ARPP21: variants seen among roughly 807,000 people sequenced by gnomAD.
The protein encoded by ARPP21 is cAMP-regulated phosphoprotein 21.
ARPP21 carries 69 observed loss-of-function variants against 113.2 expected under a neutral mutation model. That is an observed-to-expected ratio of 0.61 (90% CI 0.50 to 0.74). The LOEUF is 0.74. Ranked by LOEUF, ARPP21 falls within the 30% of genes least tolerant of loss-of-function variation. The pLI is 0.00. For missense variants in ARPP21, 1,070 were observed against 1,037.4 expected, an observed-to-expected ratio of 1.03 and a Z score of -0.43; for synonymous variants, 368 against 375.5, an observed-to-expected ratio of 0.98 and a Z score of 0.23.
chr3:35,685,463 C>G (rs1167087299), intron 5 of ARPP21: 1 of 985,092 alleles, frequency 1.0e-6, no homozygotes, highest in Admixed American at 6.2e-5. Flanking sequence ...AATAAAGAAA[C>G]AGACTTTTGA....
chr3:35,648,409 G>A (rs1253681543), intron 1 of ARPP21, among the ~76,000 whole-genome samples: 2 of 152,168 alleles, frequency 1.3e-5, no homozygotes, highest in African/African-American at 4.8e-5. Flanking sequence ...CTAGTGGATG[G>A]GAGCTGGGAC....
chr3:35,709,321 T>C lies in ARPP21; in HGVS notation c.897+251T>C, dbSNP rs544664696. On this transcript the variant is annotated intron_variant, in intron 11 of 20. Transcript: ENST00000684406. ...TGTAGAGAGGTATGATTTTGGTCAG[T>C]GATACAGACCTTAAATACAGAAAGT... Among the ~76,000 whole-genome samples the C allele has an allele frequency of 3.9e-5, 6 of 152,308 alleles. No individual in the cohort carries two copies. In the East Asian group the frequency reaches 9.7e-4, roughly 25 times the overall value.
intron 15 of ARPP21, 40 bp from the exon 16 acceptor site, chr3:35,737,138 T>C (rs760231415): frequency 8.0e-7 from 1 of 1,257,094 alleles, no homozygotes; most frequent in Non-Finnish European, 1.2e-6. Flanking sequence ...AAAGGAGAGA[T>C]TGAGAAGCTT....
intron 1 of ARPP21, among the ~76,000 whole-genome samples, chr3:35,662,811 TA>T (rs1424142604): frequency 4.0e-5 from 6 of 151,462 alleles, no homozygotes; most frequent in African/African-American, 1.5e-4. Flanking sequence ...ACCAGAAGGG[TA>T]AAAAAAATTA....
intron 19 of ARPP21, among the ~76,000 whole-genome samples, chr3:35,782,195 T>A (rs1200191334): frequency 6.6e-6 from 1 of 152,186 alleles, no homozygotes; most frequent in Admixed American, 6.5e-5. Context: ...TTCATGGAAA[T>A]TTCAGTTGAT....
intron 14 of ARPP21, among the ~76,000 whole-genome samples, chr3:35,723,427 G>C (rs986114403): frequency 2.0e-5 from 3 of 152,100 alleles, no homozygotes; most frequent in Non-Finnish European, 2.9e-5. Flanking sequence ...GGTTCACACT[G>C]CCTTTCTGCA....
At chr3:35,650,664 T>C (rs1424503023) in intron 1 of ARPP21, among the ~76,000 whole-genome samples, 1 of 151,960 alleles carries the variant, frequency 6.6e-6, no homozygotes, top group Non-Finnish European at 1.5e-5. Context: ...GAAAGTTCTG[T>C]TGGTGGGAAT....
intron 19 of ARPP21, among the ~76,000 whole-genome samples, chr3:35,752,255 G>A (rs554041253): frequency 2.0e-5 from 3 of 151,872 alleles, no homozygotes; most frequent in African/African-American, 7.2e-5. Context: ...TATCAATCAG[G>A]AATCTGCAGA....
In ARPP21 at chr3:35,794,104, C is replaced by T. The variant is rs1164457056; in HGVS notation, c.*146C>T. 2.7e-6 allele frequency: 2 copies of T among 727,754 alleles called. No individual in the cohort carries two copies. Among genetic ancestry groups the T allele is most frequent in the Non-Finnish European group, 4.5e-6 (2 of 443,044 alleles). 45.1% of individuals were successfully genotyped at this position (727,754 alleles called of 1,614,324 possible). Reference sequence around the variant, plus strand: ...GTATTCTGTAAAAAATAAACAAAGACTAATATACACGTTAGCTGGTTAATG... The same window carrying T: ...GTATTCTGTAAAAAATAAACAAAGATTAATATACACGTTAGCTGGTTAATG... On this transcript the variant is annotated 3_prime_UTR_variant, in exon 21 of 21. Coordinates refer to ENST00000684406, the MANE Select transcript of ARPP21 (RefSeq NM_001385562.1).
In ARPP21 at chr3:35,773,132, A is replaced by G. The variant is rs542396285; in HGVS notation, c.2138-19250A>G. Among the ~76,000 whole-genome samples the G allele has an allele frequency of 9.2e-5, 14 of 152,304 alleles. No homozygotes were observed. In the South Asian group the frequency reaches 2.9e-3, roughly 32 times the overall value. ...CATCTTAAGGATAAAACATATTGTTACAATATAATGCATTTTTGGTGAACC... is the reference window on the plus strand; with the variant it reads ...CATCTTAAGGATAAAACATATTGTTGCAATATAATGCATTTTTGGTGAACC... On this transcript the variant is annotated intron_variant, in intron 19 of 20. Transcript: ENST00000684406.
At chr3:35,669,440 A>T (rs2075767986) in intron 1 of ARPP21, among the ~76,000 whole-genome samples, 1 of 152,186 alleles carries the variant, frequency 6.6e-6, no homozygotes, top group Non-Finnish European at 1.5e-5. Context: ...GATATATCAA[A>T]TTGTAAATTT....
At chr3:35,706,042 A>G (rs2088863044) in intron 9 of ARPP21, among the ~76,000 whole-genome samples, 2 of 152,180 alleles carry the variant, frequency 1.3e-5, no homozygotes, top group Non-Finnish European at 2.9e-5. Flanking sequence ...TAATGACTCA[A>G]AGCATAATGA....
chr3:35,709,574 A>G (rs913435935), intron 11 of ARPP21, among the ~76,000 whole-genome samples: 5 of 152,198 alleles, frequency 3.3e-5, no homozygotes, highest in Non-Finnish European at 4.4e-5. Context: ...CTCAATTTCA[A>G]ATCAAATCTG....
At chr3:35,785,620 T>G (rs995732891) in intron 19 of ARPP21, among the ~76,000 whole-genome samples, 1 of 152,184 alleles carries the variant, frequency 6.6e-6, no homozygotes, top group Non-Finnish European at 1.5e-5. Flanking sequence ...AGTAATAGGA[T>G]GGTTCATCTG....
chr3:35,678,450 T>G (rs898183730), intron 1 of ARPP21, among the ~76,000 whole-genome samples: 2 of 151,988 alleles, frequency 1.3e-5, no homozygotes, highest in Non-Finnish European at 2.9e-5. Context: ...AGTATTATAG[T>G]AGCTATGGTG....
chr3:35,700,061 T>C (rs935331046), intron 9 of ARPP21, among the ~76,000 whole-genome samples: 1 of 151,842 alleles, frequency 6.6e-6, no homozygotes, highest in Non-Finnish European at 1.5e-5. Flanking sequence ...GGTATAACCA[T>C]AGTTTCTAAA....
Position 35,743,875 on chromosome 3 carries a change from A to C in ARPP21, c.2047A>C (p.Thr683Pro), listed in dbSNP as rs777554015. 3.1e-6 allele frequency: 5 copies of C among 1,614,096 alleles called. No homozygotes were observed. Among genetic ancestry groups the C allele is most frequent in the Non-Finnish European group, 4.2e-6 (5 of 1,179,954 alleles). Residue 683 changes from threonine (T) to proline (P), a missense_variant, in exon 19 of 21, where the codon ACC becomes CCC. Coordinates refer to ENST00000684406, the MANE Select transcript of ARPP21 (RefSeq NM_001385562.1). ...VYYYPSGQYPTSTTQQYRPMA... is the reference protein window; with the variant it reads ...VYYYPSGQYPPSTTQQYRPMA... ...TTATTACCCATCTGGTCAGTACCCT[A>C]CCTCAACCACGCAACAGTACCGGCC...
chr3:35,661,816 G>A (rs1707962369), intron 1 of ARPP21, among the ~76,000 whole-genome samples: 1 of 152,066 alleles, frequency 6.6e-6, no homozygotes. Flanking sequence ...TGTTCCATGT[G>A]TATAAAGGAG....
intron 1 of ARPP21, among the ~76,000 whole-genome samples, chr3:35,658,581 G>A (rs1407642318): frequency 6.6e-6 from 1 of 152,046 alleles, no homozygotes; most frequent in Non-Finnish European, 1.5e-5. Context: ...TGGTTACAAA[G>A]ACTGGTGCCA....
Sources: gnomAD v4.1 joint callset for allele counts (sites outside exome capture counted in the v4.1 genomes callset) on GRCh38, gnomAD v4.1.1 for gene constraint, MANE v1.5 for transcripts, NCBI Gene and HGNC (gene_info 2026-07-23, HGNC 2026-07-21) for gene names.